Variants in MYH14 observed in about 807,000 individuals in gnomAD.
The protein encoded by MYH14 is myosin-14.
In MYH14, 123 loss-of-function variants were observed where a neutral mutation model predicts 255.5. The ratio of observed to expected loss-of-function variants is 0.48; its 90% CI spans 0.42 to 0.56. MYH14 has a LOEUF of 0.56. Ranked by LOEUF, MYH14 falls within the 20% of genes least tolerant of loss-of-function variation. The pLI is 0.00. For missense variants in MYH14, 2,423 were observed against 2,802.3 expected, an observed-to-expected ratio of 0.86 and a Z score of 3.06; for synonymous variants, 1,095 against 1,161.2, an observed-to-expected ratio of 0.94 and a Z score of 1.16.
intron 17 of MYH14, 112 bp downstream of exon 17, chr19:50,255,430 C>G: frequency 1.3e-6 from 1 of 786,880 alleles, no homozygotes; most frequent in Non-Finnish European, 2.1e-6. Flanking sequence ...CTGTGGAGGT[C>G]TCTCACTCTT....
At chr19:50,207,850 C>G (rs1028058417) in intron 1 of MYH14, among the ~76,000 whole-genome samples, 1 of 152,190 alleles carries the variant, frequency 6.6e-6, no homozygotes, top group African/African-American at 2.4e-5. Context: ...CCACCCTCTG[C>G]CCCTCGATCA....
intron 16 of MYH14, among the ~76,000 whole-genome samples, chr19:50,254,341 G>A (rs1408172507): frequency 6.6e-6 from 1 of 152,176 alleles, no homozygotes; most frequent in East Asian, 1.9e-4. Flanking sequence ...TAGAAAGATA[G>A]ATTTTATTTT....
At chr19:50,272,895 T>C (rs371857594) in intron 27 of MYH14, among the ~76,000 whole-genome samples, 164 bp downstream of exon 27, 1 of 152,042 alleles carries the variant, frequency 6.6e-6, no homozygotes, top group Non-Finnish European at 1.5e-5. Flanking sequence ...TTCTGTCAAA[T>C]GAAGATAGCA....
chr19:50,248,870 G>A (rs1183045248), intron 12 of MYH14, 117 bp from the exon 13 acceptor site: 1 of 984,994 alleles, frequency 1.0e-6, no homozygotes, highest in Non-Finnish European at 1.5e-6. Flanking sequence ...TTACACTCAA[G>A]GAGCTGGGAG....
chr19:50,212,691 G>A (rs1229606139), intron 2 of MYH14, among the ~76,000 whole-genome samples: 1 of 152,208 alleles, frequency 6.6e-6, no homozygotes, highest in Non-Finnish European at 1.5e-5. Context: ...CTCCTACTTG[G>A]AGATCGAGGC....
rs527667595 is a variant in MYH14, at chr19:50,278,383, T to G, written c.4032+94T>G. ...TTCTATTTGGTCCATATCAAACCAA[T>G]TGTCTCGTTTGGCTCTTCCAACATA... is the stretch of plus-strand genomic sequence containing the variant. On this transcript the variant is annotated intron_variant, in intron 30 of 42. Transcript: ENST00000642316. 1.0e-4 allele frequency: 92 copies of G among 892,176 alleles called. 1 individual carries two copies. In the South Asian group the frequency reaches 1.8e-3, roughly 17 times the overall value. 55.3% of individuals were successfully genotyped at this position (892,176 alleles called of 1,614,324 possible). A position where few individuals can be genotyped will look rare whatever the true frequency, so the allele number is the denominator to read the frequency against.
At chr19:50,224,031 T>TTC in intron 5 of MYH14, 123 bp from the exon 6 acceptor site, 1 of 613,686 alleles carries the variant, frequency 1.6e-6, no homozygotes, top group Non-Finnish European at 3.0e-6. Flanking sequence ...CATGCCCGGT[T>TTC]TCCCCAGTCC....
chr19:50,268,275 G>A lies in MYH14; in HGVS notation c.2941G>A (p.Val981Met), dbSNP rs886054591. 3.2e-6 allele frequency: 5 copies of A among 1,582,944 alleles called. No homozygotes were observed. Among genetic ancestry groups the A allele is most frequent in the Non-Finnish European group, 4.3e-6 (5 of 1,165,352 alleles). ...LAARKQELEL[V>M]VSELEARVGE... The stretch of plus-strand genomic sequence containing the variant: ...AGCCCGCAAGCAGGAGCTGGAGCTG[G>A]TGGTGTCAGAGCTGGAGGCTCGCGT... The change falls in exon 24 of 43, where the codon GTG (valine) becomes ATG (methionine). Residue 981 changes from valine (V) to methionine (M), a missense_variant. By Grantham distance (21) the Val-to-Met change is conservative. Transcript: ENST00000642316.
chr19:50,207,306 A>G (rs866140783), intron 1 of MYH14, among the ~76,000 whole-genome samples: 1 of 150,098 alleles, frequency 6.7e-6, no homozygotes, highest in Admixed American at 6.6e-5. Flanking sequence ...AGAGAGAGAG[A>G]GAGAGAGACT....
intron 1 of MYH14, among the ~76,000 whole-genome samples, chr19:50,208,443 CA>C (rs1049655552): frequency 2.7e-5 from 4 of 148,530 alleles, no homozygotes; most frequent in Admixed American, 6.7e-5. Flanking sequence ...AACAAACAAA[CA>C]AACAAACAAA....
chr19:50,249,728 C>G lies in MYH14; in HGVS notation c.1561C>G (p.Leu521Val), dbSNP rs1357530841. 5 of 1,614,100 alleles carry G rather than the reference C, an allele frequency of 3.1e-6. No homozygotes were observed. The African/African-American group carries it at 5.3e-5, about 17-fold the overall frequency. Residue 521 changes from leucine to valine, a missense_variant, in exon 14 of 43, where the codon CTG (leucine) becomes GTG (valine). Physicochemically the swap from Leu to Val is conservative, Grantham distance 32. This residue lies in a region of MYH14 where 672 missense variants were observed against 881.8 expected (regional missense o/e 0.76). Coordinates refer to ENST00000642316, the MANE Select transcript of MYH14 (RefSeq NM_001145809.2). Reference sequence around the variant, plus strand: ...GCTCTTCAACCACACCATGTTCGTGCTGGAGCAGGAGGAGTACCAGCGTGA... The same window carrying G: ...GCTCTTCAACCACACCATGTTCGTGGTGGAGCAGGAGGAGTACCAGCGTGA... The part of the protein sequence containing the change: ...QQLFNHTMFV[L>V]EQEEYQREGI...
At chr19:50,305,849 T>C (rs1039043020) in intron 40 of MYH14, among the ~76,000 whole-genome samples, 1 of 152,110 alleles carries the variant, frequency 6.6e-6, no homozygotes. Context: ...GGAGGATCGC[T>C]TGAGCCCAGG....
At chr19:50,291,121 A>G in intron 36 of MYH14, 73 bp downstream of exon 36, 1 of 1,497,262 alleles carries the variant, frequency 6.7e-7, no homozygotes, top group East Asian at 2.3e-5. Context: ...TCCAGGGTCT[A>G]AGGCTAGCTC....
chr19:50,287,220 C>T lies in MYH14; in HGVS notation c.4752+526C>T, dbSNP rs541114474. Among the ~76,000 whole-genome samples the T allele has an allele frequency of 5.9e-5, 9 of 152,306 alleles. No homozygotes were observed. The South Asian group carries it at 1.0e-3, about 18-fold the overall frequency. On this transcript the variant is annotated intron_variant, in intron 34 of 42. Coordinates refer to ENST00000642316, the MANE Select transcript of MYH14 (RefSeq NM_001145809.2). Reference sequence around the variant, plus strand: ...CCACCAAACACTGTGCTAATGCACACGCATAGAAAGTAAGGAGAGCCATTC... The same window carrying T: ...CCACCAAACACTGTGCTAATGCACATGCATAGAAAGTAAGGAGAGCCATTC...
intron 10 of MYH14, among the ~76,000 whole-genome samples, chr19:50,235,056 T>A (rs1024881994): frequency 1.3e-5 from 2 of 152,138 alleles, no homozygotes; most frequent in Non-Finnish European, 2.9e-5. Flanking sequence ...ATAAAAAAAA[T>A]GTGAAGCAAT....
At chr19:50,224,317 T>G in intron 6 of MYH14, 140 bp downstream of exon 6, 1 of 1,126,730 alleles carries the variant, frequency 8.9e-7, no homozygotes, top group South Asian at 1.2e-5. Context: ...CCACTGCTAT[T>G]CATGGCGGCC....
intron 11 of MYH14, among the ~76,000 whole-genome samples, chr19:50,246,518 G>A (rs2034132165): frequency 6.6e-6 from 1 of 152,068 alleles, no homozygotes; most frequent in Admixed American, 6.6e-5. Flanking sequence ...AGCTACTCAG[G>A]AGCTGAGGCA....
chr19:50,204,738 TAA>T (rs1434275264), intron 1 of MYH14, among the ~76,000 whole-genome samples: 4 of 151,976 alleles, frequency 2.6e-5, no homozygotes, highest in Admixed American at 6.6e-5. Context: ...CTACAAAAAG[TAA>T]AAGAGTTAGC....
At chr19:50,287,725 T>C (rs2035938361) in intron 34 of MYH14, among the ~76,000 whole-genome samples, 1 of 152,168 alleles carries the variant, frequency 6.6e-6, no homozygotes, top group African/African-American at 2.4e-5. Context: ...GAATTTTCCA[T>C]TAAATACACA....
Sources: gnomAD v4.1 joint callset for allele counts (sites outside exome capture counted in the v4.1 genomes callset) on GRCh38, gnomAD v4.1.1 for gene constraint, gnomAD v4.1.1 regional missense constraint, MANE v1.5 for transcripts, NCBI Gene and HGNC (gene_info 2026-07-23, HGNC 2026-07-21) for gene names.